The following SLC8A1 variants were observed in gnomAD, a reference collection of about 807,000 sequenced individuals.
The protein encoded by SLC8A1 is sodium/calcium exchanger 1.
A neutral mutation model predicts 68.3 loss-of-function variants in SLC8A1; 18 were observed. That is an observed-to-expected ratio of 0.26 (90% confidence interval 0.18 to 0.39). The LOEUF (loss-of-function observed/expected upper bound fraction) is 0.39, where lower values mean the gene tolerates loss of function less well. SLC8A1 is among the 10% of genes least tolerant of loss of function. The pLI, the probability that SLC8A1 is intolerant of heterozygous loss-of-function variation, is 1.00. For synonymous variants in SLC8A1, 475 were observed against 415.5 expected, an observed-to-expected ratio of 1.14 and a Z score of -1.74; for missense variants, 985 against 1,156.7, an observed-to-expected ratio of 0.85 and a Z score of 2.15.
At chr2:40,106,694 T>C (rs889513837) in exon 8 of SLC8A1, 1 of 152,228 alleles carries the variant, frequency 6.6e-6, no homozygotes, top group African/African-American at 2.4e-5. Context: ...AATTTAACAA[T>C]AACAGTTGTA....
exon 8 of SLC8A1, chr2:40,107,171 A>T (rs2034252711): frequency 6.6e-6 from 1 of 151,172 alleles, no homozygotes; most frequent in African/African-American, 2.4e-5. Flanking sequence ...AGCACACCAA[A>T]ACACGTGTTT....
intron 2 of SLC8A1, among the ~76,000 whole-genome samples, chr2:40,306,071 G>A (rs2149285336): frequency 6.6e-6 from 1 of 152,178 alleles, no homozygotes; most frequent in South Asian, 2.1e-4. Flanking sequence ...TGTCTATTCT[G>A]GGATGCTCAT....
intron 1 of SLC8A1, among the ~76,000 whole-genome samples, chr2:40,487,471 ACT>A (rs1705044111): frequency 6.6e-6 from 1 of 152,174 alleles, no homozygotes; most frequent in African/African-American, 2.4e-5. Flanking sequence ...TTATGAAACC[ACT>A]GTCTCAGAGC....
intron 2 of SLC8A1, among the ~76,000 whole-genome samples, chr2:40,218,868 G>A (rs962463077): frequency 4.6e-5 from 7 of 152,184 alleles, no homozygotes; most frequent in African/African-American, 1.2e-4. Context: ...TCACCCCGAG[G>A]CTAATAGCAC....
At chr2:40,460,046 G>T (rs1241754634) in intron 1 of SLC8A1, among the ~76,000 whole-genome samples, 1 of 152,056 alleles carries the variant, frequency 6.6e-6, no homozygotes, top group Non-Finnish European at 1.5e-5. Flanking sequence ...TGTTTTATTT[G>T]CAGAGTCTTG....
chr2:40,511,973 C>T (rs1456924620), intron 1 of SLC8A1, among the ~76,000 whole-genome samples: 1 of 152,140 alleles, frequency 6.6e-6, no homozygotes, highest in Non-Finnish European at 1.5e-5. Flanking sequence ...AAGACAAATC[C>T]CACCTACCCT....
intron 1 of SLC8A1, among the ~76,000 whole-genome samples, chr2:40,461,111 A>C (rs921774376): frequency 5.9e-5 from 9 of 152,306 alleles, no homozygotes; most frequent in Non-Finnish European, 1.2e-4. Context: ...TTAAAAAAGT[A>C]CTGAGTTTTC....
intron 2 of SLC8A1, among the ~76,000 whole-genome samples, chr2:40,401,957 T>G (rs1174074729): frequency 1.3e-5 from 2 of 152,106 alleles, no homozygotes; most frequent in African/African-American, 4.8e-5. Context: ...TTTTCTAACT[T>G]TAAGTGTATA....
chr2:40,179,763 G>C (rs560198743), intron 2 of SLC8A1, among the ~76,000 whole-genome samples: 6 of 152,230 alleles, frequency 3.9e-5, no homozygotes, highest in Non-Finnish European at 5.9e-5. Context: ...AGTTTCATTA[G>C]ATCTATGCAT....
intron 2 of SLC8A1, among the ~76,000 whole-genome samples, chr2:40,281,366 C>CAA (rs199540494): frequency 2.0e-5 from 3 of 151,922 alleles, no homozygotes; most frequent in African/African-American, 7.3e-5. Context: ...GCAATAAGAA[C>CAA]AAAAAAAGCA....
chr2:40,379,673 C>A (rs1681084159), intron 2 of SLC8A1, among the ~76,000 whole-genome samples: 1 of 150,896 alleles, frequency 6.6e-6, no homozygotes, highest in East Asian at 2.0e-4. Flanking sequence ...GAGAATGTGT[C>A]TGTTTACCGC....
At chr2:40,332,134 A>T (rs2076478988) in intron 2 of SLC8A1, among the ~76,000 whole-genome samples, 1 of 151,968 alleles carries the variant, frequency 6.6e-6, no homozygotes, top group Non-Finnish European at 1.5e-5. Flanking sequence ...CTAAACAGAG[A>T]TTTACTAAAA....
intron 2 of SLC8A1, among the ~76,000 whole-genome samples, chr2:40,267,030 A>G (rs1310751312): frequency 6.6e-6 from 1 of 152,206 alleles, no homozygotes; most frequent in Non-Finnish European, 1.5e-5. Context: ...GGGGTTCATC[A>G]GCAAACTTAT....
intron 2 of SLC8A1, among the ~76,000 whole-genome samples, chr2:40,407,071 G>T (rs536397733): frequency 6.6e-6 from 1 of 152,132 alleles, no homozygotes; most frequent in South Asian, 2.1e-4. Flanking sequence ...GCAGATTTGT[G>T]TGTGGGTGTG....
At chr2:40,373,030 G>A (rs1293809094) in intron 2 of SLC8A1, among the ~76,000 whole-genome samples, 1 of 141,748 alleles carries the variant, frequency 7.1e-6, no homozygotes, top group East Asian at 2.0e-4. Context: ...ACCAACTTAA[G>A]GGGGAAAAAA....
At chr2:40,322,803 TA>T (rs1276413201) in intron 2 of SLC8A1, among the ~76,000 whole-genome samples, 3 of 150,548 alleles carry the variant, frequency 2.0e-5, no homozygotes, top group Non-Finnish European at 4.4e-5. Flanking sequence ...ATATAGTGCC[TA>T]CCACCATTTA....
chr2:40,231,724 G>T (rs889826363), intron 2 of SLC8A1, among the ~76,000 whole-genome samples: 1 of 152,056 alleles, frequency 6.6e-6, no homozygotes, highest in Non-Finnish European at 1.5e-5. Context: ...CTCAGGTTAA[G>T]CTGCCATCTG....
chr2:40,448,057 G>A (rs190206956), intron 1 of SLC8A1, among the ~76,000 whole-genome samples: 2 of 152,222 alleles, frequency 1.3e-5, no homozygotes, highest in East Asian at 1.9e-4. Context: ...TCTGCAAAGA[G>A]AACTTACAAA....
Position 40,351,459 on chromosome 2 carries a change from C to T in SLC8A1, c.1808+77014G>A, listed in dbSNP as rs150510447. Among the ~76,000 whole-genome samples, 12 of 152,078 alleles carry T rather than the reference C, an allele frequency of 7.9e-5. No homozygotes were observed. The East Asian group carries it at 2.3e-3, about 29-fold the overall frequency. On this transcript the variant is annotated intron_variant, in intron 2 of 7. Transcript: ENST00000406785. ...TCACTAGGGCTTCATCATACTACTA[C>T]TTTTTCCACAGAGACTTCCTTGTCT...
Sources: gnomAD v4.1 joint callset for allele counts (sites outside exome capture counted in the v4.1 genomes callset) on GRCh38, gnomAD v4.1.1 for gene constraint, MANE v1.5 for transcripts, NCBI Gene and HGNC (gene_info 2026-07-23, HGNC 2026-07-21) for gene names.